VPS13B: variants seen among roughly 807,000 people sequenced by gnomAD.
VPS13B encodes intermembrane lipid transfer protein VPS13B.
A neutral mutation model predicts 426.4 loss-of-function variants in VPS13B; 285 were observed. The observed-to-expected ratio is 0.67, with a 90% confidence interval of 0.61 to 0.74. VPS13B has a LOEUF of 0.74. VPS13B is among the 30% of genes least tolerant of loss of function. The pLI, the probability that VPS13B is intolerant of heterozygous loss-of-function variation, is 0.00. For synonymous variants in VPS13B, 1,676 were observed against 1,676.4 expected (o/e 1.00, Z 0.01); for missense variants, 4,537 against 4,782.6 (o/e 0.95, Z 1.51).
At chr8:99,229,987 G>T (rs1254336687) in intron 17 of VPS13B, among the ~76,000 whole-genome samples, 1 of 152,132 alleles carries the variant, frequency 6.6e-6, no homozygotes, top group African/African-American at 2.4e-5. Flanking sequence ...CACATCACCA[G>T]TAATTGTGTA....
chr8:99,498,703 A>G (rs919134881), intron 25 of VPS13B, among the ~76,000 whole-genome samples: 1 of 152,160 alleles, frequency 6.6e-6, no homozygotes, highest in Non-Finnish European at 1.5e-5. Context: ...GGAGCACTGT[A>G]CTTTTGTGCA....
At chr8:99,196,340 G>T (rs1253001257) in intron 17 of VPS13B, among the ~76,000 whole-genome samples, 3 of 151,400 alleles carry the variant, frequency 2.0e-5, no homozygotes. Flanking sequence ...ATTTTTTTTG[G>T]ATAGTTTTAG....
At chr8:99,708,829 G>GTC (rs147100515) in intron 36 of VPS13B, among the ~76,000 whole-genome samples, 4,210 of 149,612 alleles carry the variant, frequency 0.028, 177 homozygotes, top group African/African-American at 0.095. Context: ...CTCTCTCTCT[G>GTC]TCTCTCTCTC....
intron 58 of VPS13B, among the ~76,000 whole-genome samples, chr8:99,867,627 C>T (rs1255390547): frequency 6.6e-6 from 1 of 152,128 alleles, no homozygotes; most frequent in Non-Finnish European, 1.5e-5. Context: ...GAAAAAACTC[C>T]TTAACCTCTG....
intron 25 of VPS13B, among the ~76,000 whole-genome samples, chr8:99,500,197 T>C (rs1821152458): frequency 6.6e-6 from 1 of 152,168 alleles, no homozygotes; most frequent in Non-Finnish European, 1.5e-5. Flanking sequence ...TAAGGGGTAT[T>C]TTGTTCTGAC....
intron 3 of VPS13B, among the ~76,000 whole-genome samples, chr8:99,084,462 G>T (rs1299889257): frequency 6.6e-6 from 1 of 152,124 alleles, no homozygotes; most frequent in Non-Finnish European, 1.5e-5. Context: ...CTTCAGTTCT[G>T]CTCTGATTTT....
chr8:99,431,460 C>T (rs1349296822), intron 21 of VPS13B, 77 bp from the exon 22 acceptor site: 23 of 1,538,442 alleles, frequency 1.5e-5, no homozygotes, highest in Middle Eastern at 3.4e-4. Context: ...AAGAAACAAT[C>T]TTGAAAATAC....
Position 99,575,772 on chromosome 8 carries a change from T to A in VPS13B, c.5064T>A (p.Asn1688Lys), listed in dbSNP as rs1330191619. 2 of 1,613,632 alleles carry A rather than the reference T, an allele frequency of 1.2e-6. No individual in the cohort carries two copies. Among genetic ancestry groups the A allele is most frequent in the Non-Finnish European group, 1.7e-6 (2 of 1,179,770 alleles). ...VIFTKVVSPENLHTEEILVCG... is the reference protein window; with the variant it reads ...VIFTKVVSPEKLHTEEILVCG... ...TCACCAAAGTAGTTTCTCCAGAAAA[T>A]TTGCATACTGAGGTTAGAACATAAT... Residue 1688 changes from asparagine to lysine, a missense_variant, in exon 32 of 62, where the codon AAT becomes AAA. Coordinates refer to ENST00000357162, the MANE Select transcript of VPS13B (RefSeq NM_152564.5).
chr8:99,810,083 CAT>C (rs1473754741), intron 44 of VPS13B, among the ~76,000 whole-genome samples: 1 of 152,152 alleles, frequency 6.6e-6, no homozygotes, highest in Non-Finnish European at 1.5e-5. Flanking sequence ...GCTCTCAGCA[CAT>C]ATTTTTACGT....
At chr8:99,699,954 G>A (rs767112929) in intron 36 of VPS13B, 22 bp downstream of exon 36, 8 of 1,612,074 alleles carry the variant, frequency 5.0e-6, no homozygotes, top group East Asian at 4.5e-5. Flanking sequence ...AAAAGGGGAG[G>A]GGGGAGACAG....
intron 19 of VPS13B, chr8:99,340,509 ATGT>A (rs1811182492): frequency 2.1e-6 from 1 of 483,812 alleles, no homozygotes; most frequent in Non-Finnish European, 4.2e-6. Flanking sequence ...GTCACAGCAA[ATGT>A]TGTGCCCCAT....
chr8:99,508,243 G>T (rs1457915232), intron 28 of VPS13B, among the ~76,000 whole-genome samples: 1 of 151,988 alleles, frequency 6.6e-6, no homozygotes, highest in Non-Finnish European at 1.5e-5. Context: ...TAATAAGATT[G>T]CCTTTAAAAA....
chr8:99,176,825 TAAAGC>T (rs1812658212), intron 16 of VPS13B, among the ~76,000 whole-genome samples: 6 of 152,302 alleles, frequency 3.9e-5, no homozygotes, highest in African/African-American at 1.4e-4. Flanking sequence ...TGTGACAACT[TAAAGC>T]AAAGAGAAGA....
chr8:99,354,655 A>G (rs1236227346), intron 19 of VPS13B, among the ~76,000 whole-genome samples: 1 of 152,158 alleles, frequency 6.6e-6, no homozygotes, highest in African/African-American at 2.4e-5. Flanking sequence ...GCCTCTATTC[A>G]GAATTCAAAG....
At chr8:99,627,689 A>G (rs1828674413) in intron 33 of VPS13B, among the ~76,000 whole-genome samples, 1 of 152,126 alleles carries the variant, frequency 6.6e-6, no homozygotes, top group Non-Finnish European at 1.5e-5. Flanking sequence ...TGACCTAATT[A>G]TGCCACATTT....
In VPS13B at chr8:99,875,589, G is replaced by T; in HGVS notation, c.11917G>T (p.Asp3973Tyr). 1.9e-6 allele frequency: 3 copies of T among 1,614,172 alleles called. No homozygotes were observed. Among genetic ancestry groups the T allele is most frequent in the Non-Finnish European group, 2.5e-6 (3 of 1,180,026 alleles). ...TGTTAAAACATACCATTACCTGGTT[G>T]ATCCACATTTTGCTCAGGTCTTCCT... ...STVKTYHYLV[D>Y]PHFAQVFLSK... Residue 3973 changes from aspartate (D) to tyrosine (Y), a missense_variant, in exon 62 of 62, where the codon GAT becomes TAT. This residue lies in a region of VPS13B where 4,311 missense variants were observed against 4,474.3 expected (regional missense o/e 0.96). Transcript: ENST00000357162.
intron 30 of VPS13B, among the ~76,000 whole-genome samples, chr8:99,528,520 GT>G (rs767650306): frequency 3.7e-4 from 56 of 152,010 alleles, no homozygotes; most frequent in Non-Finnish European, 5.7e-4. Context: ...TAATTTCATT[GT>G]AGTTCTGATA....
At chr8:99,672,474 C>T (rs187736969) in intron 35 of VPS13B, among the ~76,000 whole-genome samples, 116 of 152,118 alleles carry the variant, frequency 7.6e-4, no homozygotes, top group African/African-American at 2.6e-3. Flanking sequence ...TTTTTAATCA[C>T]GCAAATTCAC....
chr8:99,665,336 G>A (rs1830441410), intron 35 of VPS13B, among the ~76,000 whole-genome samples: 1 of 152,084 alleles, frequency 6.6e-6, no homozygotes, highest in African/African-American at 2.4e-5. Flanking sequence ...GATCCCATTT[G>A]TCAATTTTGG....
Sources: allele counts gnomAD v4.1 joint callset (sites outside exome capture counted in the v4.1 genomes callset), GRCh38; gene constraint gnomAD v4.1.1; regional missense constraint gnomAD v4.1.1; transcripts MANE v1.5; gene names NCBI Gene and HGNC (gene_info 2026-07-23, HGNC 2026-07-21).